C12orf42: variants seen among roughly 807,000 people sequenced by gnomAD.
C12orf42 encodes the protein chromosome 12 open reading frame 42.
C12orf42 carries 25 observed loss-of-function variants against 21.6 expected under a neutral mutation model. That is an observed-to-expected ratio of 1.16 (90% CI 0.84 to 1.62). C12orf42 has a LOEUF of 1.62. Ranked by LOEUF, C12orf42 falls within the 40% of genes most tolerant of loss-of-function variation. C12orf42 has a pLI of 0.00. For synonymous variants in C12orf42, 174 were observed against 175.0 expected (o/e 0.99, Z 0.05); for missense variants, 483 against 459.3 (o/e 1.05, Z -0.47).
the C12orf42 span, among the ~76,000 whole-genome samples, chr12:103,140,829 G>GACAC: frequency 6.6e-6 from 1 of 151,806 alleles, no homozygotes; most frequent in African/African-American, 2.4e-5. Flanking sequence ...GTGATTGGGA[G>GACAC]ACACACACAC....
chr12:103,516,780 T>A, the C12orf42 span, among the ~76,000 whole-genome samples: 1 of 152,168 alleles, frequency 6.6e-6, no homozygotes. Context: ...TGCTTAAATG[T>A]CTGAAGAAAA....
At chr12:103,115,984 A>T in the C12orf42 span, among the ~76,000 whole-genome samples, 2 of 152,182 alleles carry the variant, frequency 1.3e-5, no homozygotes, top group Non-Finnish European at 2.9e-5. Context: ...ATATTATTGC[A>T]CCTCTGATAA....
chr12:103,217,135 T>A, the C12orf42 span, among the ~76,000 whole-genome samples: 3 of 151,496 alleles, frequency 2.0e-5, no homozygotes, highest in African/African-American at 7.3e-5. Flanking sequence ...GAGCTACCAC[T>A]CCTGGCTGAC....
chr12:103,206,431 T>G, the C12orf42 span, among the ~76,000 whole-genome samples: 1 of 152,146 alleles, frequency 6.6e-6, no homozygotes, highest in East Asian at 1.9e-4. Flanking sequence ...TTGGGGCTCC[T>G]GGAATATTGG....
the C12orf42 span, among the ~76,000 whole-genome samples, chr12:103,546,429 C>T: frequency 6.6e-6 from 1 of 152,108 alleles, no homozygotes; most frequent in Non-Finnish European, 1.5e-5. Flanking sequence ...ATTATCACTC[C>T]TTTTGTGGTT....
intron 4 of C12orf42, among the ~76,000 whole-genome samples, chr12:103,325,604 G>A (rs1275314063): frequency 6.6e-6 from 1 of 152,186 alleles, no homozygotes; most frequent in Non-Finnish European, 1.5e-5. Flanking sequence ...AAAGTTCTTT[G>A]GGTCCTTTAA....
At chr12:103,485,826 T>A (rs140842378) in intron 1 of C12orf42, among the ~76,000 whole-genome samples, 75 of 152,332 alleles carry the variant, frequency 4.9e-4, no homozygotes, top group African/African-American at 1.5e-3. Flanking sequence ...TGGTTTTGTA[T>A]CCTGAGACTT....
At chr12:103,305,520 C>T (rs1468501719) in intron 5 of C12orf42, among the ~76,000 whole-genome samples, 1 of 152,120 alleles carries the variant, frequency 6.6e-6, no homozygotes, top group African/African-American at 2.4e-5. Flanking sequence ...CAAAACTTAT[C>T]CCTTCTGGGC....
the C12orf42 span, among the ~76,000 whole-genome samples, chr12:103,195,779 C>T: frequency 1.2e-4 from 18 of 151,998 alleles, no homozygotes; most frequent in East Asian, 1.2e-3. Context: ...TGCAGAAGCT[C>T]TTTAGTTTAA....
chr12:103,263,866 C>A (rs887473853), downstream of C12orf42, among the ~76,000 whole-genome samples: 2 of 152,180 alleles, frequency 1.3e-5, no homozygotes, highest in African/African-American at 2.4e-5. Context: ...TATACACCAC[C>A]AATCATCAAT....
chr12:103,189,730 C>A, the C12orf42 span, among the ~76,000 whole-genome samples: 1 of 152,168 alleles, frequency 6.6e-6, no homozygotes, highest in Non-Finnish European at 1.5e-5. Flanking sequence ...CCCAGTGGAA[C>A]CACAACAATT....
chr12:103,396,203 G>T (rs1167227065), intron 3 of C12orf42, among the ~76,000 whole-genome samples: 1 of 151,964 alleles, frequency 6.6e-6, no homozygotes, highest in Non-Finnish European at 1.5e-5. Flanking sequence ...GGATCATGGG[G>T]GTATTTTCCC....
intron 4 of C12orf42, among the ~76,000 whole-genome samples, chr12:103,289,051 A>G: frequency 6.6e-6 from 1 of 152,192 alleles, no homozygotes; most frequent in Admixed American, 6.5e-5. Flanking sequence ...TACATAAAAG[A>G]TCACTTGGAA....
intron 3 of C12orf42, among the ~76,000 whole-genome samples, chr12:103,394,515 G>A (rs2138528977): frequency 6.6e-6 from 1 of 152,302 alleles, no homozygotes; most frequent in Middle Eastern, 3.4e-3. Flanking sequence ...CAACTCTCCT[G>A]TGTCTCCGCT....
chr12:103,183,997 G>C, the C12orf42 span, among the ~76,000 whole-genome samples: 1 of 152,214 alleles, frequency 6.6e-6, no homozygotes, highest in South Asian at 2.1e-4. Context: ...TTCTGTCTTG[G>C]TTGGGAATGT....
rs183105561 is a variant in C12orf42, at chr12:103,330,422, C to T, written c.260-24077G>A. Among the ~76,000 whole-genome samples, 559 of 152,314 alleles carry T rather than the reference C, an allele frequency of 3.7e-3. 2 individuals carry two copies. Among genetic ancestry groups the T allele is most frequent in the African/African-American group, 0.012 (515 of 41,564 alleles). On this transcript the variant is annotated intron_variant, in intron 4 of 5. Transcript: ENST00000548883. ...CCCAGCGGTACATACGGAATTCTAA[C>T]AGGATTAGTCTCATTAGTCTCAATA...
chr12:103,442,356 G>T (rs1419202606), intron 2 of C12orf42, among the ~76,000 whole-genome samples: 2 of 152,264 alleles, frequency 1.3e-5, no homozygotes, highest in Admixed American at 1.3e-4. Flanking sequence ...TGACAGTTCT[G>T]TGAACAATGA....
chr12:103,157,818 A>T, the C12orf42 span, among the ~76,000 whole-genome samples: 1 of 152,210 alleles, frequency 6.6e-6, no homozygotes, highest in Non-Finnish European at 1.5e-5. Context: ...GAGAAATATT[A>T]CACTCCAATA....
chr12:103,449,543 GA>G (rs1452645276), intron 2 of C12orf42, among the ~76,000 whole-genome samples: 2 of 151,822 alleles, frequency 1.3e-5, no homozygotes. Flanking sequence ...TTAAGCACTT[GA>G]AAAAAATAAG....
Sources: gnomAD v4.1 joint callset for allele counts (sites outside exome capture counted in the v4.1 genomes callset) on GRCh38, gnomAD v4.1.1 for gene constraint, MANE v1.5 for transcripts, NCBI Gene and HGNC (gene_info 2026-07-23, HGNC 2026-07-21) for gene names.